Variants in RSRC1 observed in about 807,000 individuals in gnomAD.
RSRC1 encodes serine/Arginine-related protein 53.
Under a neutral mutation model 49.1 loss-of-function variants are expected in RSRC1, and 39 were observed. That is an observed-to-expected ratio of 0.79 (90% CI 0.61 to 1.04). RSRC1 has a LOEUF of 1.04. RSRC1 is among the 50% of genes least tolerant of loss of function. The pLI, the probability that RSRC1 is intolerant of heterozygous loss-of-function variation, is 0.00. For missense variants in RSRC1, 388 were observed against 402.4 expected (o/e 0.96, Z 0.31); for synonymous variants, 143 against 130.8 (o/e 1.09, Z -0.63).
chr3:158,532,862 A>G (rs1039567480), intron 7 of RSRC1, among the ~76,000 whole-genome samples: 1 of 151,614 alleles, frequency 6.6e-6, no homozygotes, highest in Non-Finnish European at 1.5e-5. Flanking sequence ...CTTGTCTTTA[A>G]TTTTACTTCA....
intron 5 of RSRC1, among the ~76,000 whole-genome samples, chr3:158,353,295 T>C (rs1730976896): frequency 6.6e-6 from 1 of 152,184 alleles, no homozygotes; most frequent in African/African-American, 2.4e-5. Context: ...TCTGATCACA[T>C]CTCCCCTTTG....
intron 4 of RSRC1, among the ~76,000 whole-genome samples, chr3:158,273,593 T>C (rs1028833080): frequency 2.0e-5 from 3 of 152,132 alleles, no homozygotes; most frequent in Non-Finnish European, 4.4e-5. Context: ...ATACGAAGTC[T>C]AGCCATTCAG....
chr3:158,343,655 C>A (rs1156822718), intron 5 of RSRC1, among the ~76,000 whole-genome samples: 1 of 152,074 alleles, frequency 6.6e-6, no homozygotes, highest in Non-Finnish European at 1.5e-5. Flanking sequence ...AAATTCTAGA[C>A]ACGAAGGCTA....
chr3:158,272,644 AG>A (rs907526494), intron 4 of RSRC1, among the ~76,000 whole-genome samples: 36 of 152,180 alleles, frequency 2.4e-4, no homozygotes, highest in African/African-American at 8.4e-4. Flanking sequence ...CTGGGGGAAA[AG>A]GAAGATTATA....
intron 4 of RSRC1, among the ~76,000 whole-genome samples, chr3:158,228,691 A>G (rs1578217400): frequency 4.3e-5 from 1 of 23,322 alleles, no homozygotes; most frequent in South Asian, 7.1e-4. Context: ...TTGTGCTGAT[A>G]ACGATTTTAT....
At chr3:158,127,507 A>G (rs1262482478) in intron 3 of RSRC1, among the ~76,000 whole-genome samples, 2 of 151,586 alleles carry the variant, frequency 1.3e-5, no homozygotes, top group Non-Finnish European at 2.9e-5. Flanking sequence ...ATTCTTTGGC[A>G]TTAGCATTTT....
intron 3 of RSRC1, among the ~76,000 whole-genome samples, chr3:158,136,148 A>G (rs189133255): frequency 4.2e-4 from 64 of 152,352 alleles, no homozygotes; most frequent in African/African-American, 1.5e-3. Context: ...AAGAGATAGC[A>G]TGGAAAGAGC....
At chr3:158,428,788 C>T (rs1735605843) in intron 6 of RSRC1, among the ~76,000 whole-genome samples, 1 of 151,808 alleles carries the variant, frequency 6.6e-6, no homozygotes, top group African/African-American at 2.4e-5. Flanking sequence ...TGTGTATTCA[C>T]ATGCAGTTTT....
intron 6 of RSRC1, among the ~76,000 whole-genome samples, chr3:158,457,749 T>TTG (rs1553809980): frequency 0.014 from 2,126 of 148,920 alleles, 40 homozygotes; most frequent in African/African-American, 0.05. Context: ...TGTTTTTTTT[T>TTG]TTTGTTTGTT....
At chr3:158,452,291 T>C (rs1485940380) in intron 6 of RSRC1, among the ~76,000 whole-genome samples, 2 of 152,194 alleles carry the variant, frequency 1.3e-5, no homozygotes, top group African/African-American at 4.8e-5. Flanking sequence ...TAGTAATGAC[T>C]TATGTAGATA....
In RSRC1 at chr3:158,359,631, G is replaced by T. The variant is rs1458097026; in HGVS notation, c.583+4723G>T. On this transcript the variant is annotated intron_variant, in intron 6 of 9. Coordinates refer to ENST00000611884, the MANE Select transcript of RSRC1 (RefSeq NM_001271838.2). Reference sequence around the variant, plus strand: ...CGGAAGCTTGAAGATCCCAGGAACTGCAGGGTCCCAAGGAGGGAGCCACAG... The same window carrying T: ...CGGAAGCTTGAAGATCCCAGGAACTTCAGGGTCCCAAGGAGGGAGCCACAG... Among the ~76,000 whole-genome samples the T allele has an allele frequency of 3.3e-5, 5 of 152,282 alleles. No homozygotes were observed. The South Asian group carries it at 8.3e-4, about 25-fold the overall frequency.
At position 158,309,122 on chromosome 3, in the gene RSRC1, C is replaced by A. The variant is rs796131950; in HGVS notation, c.531+11047C>A. On this transcript the variant is annotated intron_variant, in intron 5 of 9. Transcript: ENST00000611884. ...AGGTCATGAAGTTTGAGAAATGATG[C>A]ACTGCTCCCAAAATAACATTTAGGC... Among the ~76,000 whole-genome samples, 9 of 151,952 alleles carry A rather than the reference C, an allele frequency of 5.9e-5. No homozygotes were observed. The South Asian group carries it at 1.7e-3, about 28-fold the overall frequency.
chr3:158,193,241 C>A (rs191851800), intron 3 of RSRC1, among the ~76,000 whole-genome samples: 1 of 152,004 alleles, frequency 6.6e-6, no homozygotes, highest in Non-Finnish European at 1.5e-5. Flanking sequence ...AATCTGAATA[C>A]GTATGTAACT....
chr3:158,397,099 C>T (rs1733651557), intron 6 of RSRC1, among the ~76,000 whole-genome samples: 1 of 152,148 alleles, frequency 6.6e-6, no homozygotes, highest in Non-Finnish European at 1.5e-5. Context: ...ACTTCTAATA[C>T]ATCTAAATTC....
intron 4 of RSRC1, among the ~76,000 whole-genome samples, chr3:158,209,455 A>G (rs1730099): frequency 0.65 from 98,429 of 151,808 alleles, 32,213 homozygotes; most frequent in East Asian, 0.84. Context: ...TAATGACCCA[A>G]ACCATTGCAT....
chr3:158,417,357 G>T (rs1440408409), intron 6 of RSRC1, among the ~76,000 whole-genome samples: 1 of 151,992 alleles, frequency 6.6e-6, no homozygotes, highest in Non-Finnish European at 1.5e-5. Context: ...TTATGTTAGA[G>T]AAATCTCTGC....
chr3:158,196,715 T>A (rs1230620705), intron 3 of RSRC1, among the ~76,000 whole-genome samples: 1 of 152,186 alleles, frequency 6.6e-6, no homozygotes, highest in African/African-American at 2.4e-5. Flanking sequence ...CATGAAGCGT[T>A]GTTGAATTTT....
At chr3:158,392,812 A>G (rs1331915000) in intron 6 of RSRC1, among the ~76,000 whole-genome samples, 1 of 152,090 alleles carries the variant, frequency 6.6e-6, no homozygotes, top group Non-Finnish European at 1.5e-5. Flanking sequence ...CCTGAACTCA[A>G]CACTTGACCA....
chr3:158,235,743 G>C (rs900609999), intron 4 of RSRC1, among the ~76,000 whole-genome samples: 2 of 152,114 alleles, frequency 1.3e-5, no homozygotes, highest in African/African-American at 2.4e-5. Flanking sequence ...GTATAAAATG[G>C]TTTTTAAAAT....
Sources: allele counts gnomAD v4.1 joint callset (sites outside exome capture counted in the v4.1 genomes callset), GRCh38; gene constraint gnomAD v4.1.1; transcripts MANE v1.5; gene names NCBI Gene and HGNC (gene_info 2026-07-23, HGNC 2026-07-21).